The following ATP2B2 variants were observed in gnomAD, a reference collection of about 807,000 sequenced individuals.
ATP2B2 encodes the protein ATPase plasma membrane Ca2+ transporting 2, also known as plasma membrane calcium-transporting ATPase 2.
In ATP2B2, 15 loss-of-function variants were observed where a neutral mutation model predicts 120.0. The ratio of observed to expected loss-of-function variants is 0.12; its 90% confidence interval spans 0.08 to 0.19. The LOEUF (loss-of-function observed/expected upper bound fraction) is 0.19, where lower values mean the gene tolerates loss of function less well. Among genes scored for constraint, ATP2B2 ranks in the 10% least tolerant of loss-of-function variants. ATP2B2 has a pLI of 1.00. For synonymous variants in ATP2B2, 694 were observed against 700.3 expected, an observed-to-expected ratio of 0.99 and a Z score of 0.14; for missense variants, 1,045 against 1,719.8, an observed-to-expected ratio of 0.61 and a Z score of 6.94.
At chr3:10,360,912 C>T (rs879912409) in intron 12 of ATP2B2, among the ~76,000 whole-genome samples, 7 of 152,152 alleles carry the variant, frequency 4.6e-5, no homozygotes, top group Admixed American at 4.6e-4. Context: ...CTATGGTCAC[C>T]TCTCTCTTCC....
At chr3:10,666,981 C>T (rs1392093480) in intron 1 of ATP2B2, among the ~76,000 whole-genome samples, 1 of 152,200 alleles carries the variant, frequency 6.6e-6, no homozygotes, top group Non-Finnish European at 1.5e-5. Context: ...CTATTTCTTC[C>T]ACTCCTTTAG....
intron 2 of ATP2B2, among the ~76,000 whole-genome samples, chr3:10,591,871 T>A (rs545878310): frequency 6.6e-6 from 1 of 152,134 alleles, no homozygotes; most frequent in Non-Finnish European, 1.5e-5. Flanking sequence ...TTCCAGGGCA[T>A]CTTCATCAGC....
At chr3:10,507,014 G>T (rs1013326651), upstream of ATP2B2, among the ~76,000 whole-genome samples, 4 of 152,340 alleles carry the variant, frequency 2.6e-5, no homozygotes, top group Admixed American at 2.0e-4. Context: ...GCCATGCTGA[G>T]ACCTCCTTGC....
intron 6 of ATP2B2, chr3:10,388,058 G>T: frequency 1.7e-6 from 1 of 595,736 alleles, no homozygotes; most frequent in Non-Finnish European, 2.9e-6. Flanking sequence ...GGGCCTCCAT[G>T]ACATGATTGG....
chr3:10,676,207 T>C (rs188773556), intron 1 of ATP2B2, among the ~76,000 whole-genome samples: 1 of 152,154 alleles, frequency 6.6e-6, no homozygotes, highest in East Asian at 1.9e-4. Context: ...GAGAGCAGGA[T>C]AAAAGCAGGA....
At chr3:10,405,123 G>A (rs563095931) in intron 3 of ATP2B2, among the ~76,000 whole-genome samples, 1 of 152,348 alleles carries the variant, frequency 6.6e-6, no homozygotes, top group East Asian at 1.9e-4. Context: ...TTAGACAGCT[G>A]TGAAGTGGGA....
intron 1 of ATP2B2, among the ~76,000 whole-genome samples, chr3:10,678,599 C>T (rs950753810): frequency 5.3e-5 from 8 of 152,138 alleles, no homozygotes; most frequent in African/African-American, 1.9e-4. Flanking sequence ...AGCCTGGGGG[C>T]CTCTCAGAAA....
chr3:10,380,908 T>C (rs971265133), intron 8 of ATP2B2, among the ~76,000 whole-genome samples: 9 of 152,236 alleles, frequency 5.9e-5, no homozygotes, highest in Non-Finnish European at 1.2e-4. Context: ...TTTGCAAGTG[T>C]CATCTCTTGT....
intron 1 of ATP2B2, among the ~76,000 whole-genome samples, chr3:10,470,232 C>T (rs2064926141): frequency 6.6e-6 from 1 of 152,148 alleles, no homozygotes; most frequent in Non-Finnish European, 1.5e-5. Context: ...CCTTCAGGAC[C>T]CGGGGCTATG....
At chr3:10,449,971 CTA>C in intron 1 of ATP2B2, 109 bp from the exon 2 acceptor site, 1 of 322,578 alleles carries the variant, frequency 3.1e-6, no homozygotes, top group South Asian at 2.8e-5. Flanking sequence ...ACAACACTGA[CTA>C]CACCCATGCC....
intron 1 of ATP2B2, among the ~76,000 whole-genome samples, chr3:10,694,941 T>G (rs1459355269): frequency 6.6e-6 from 1 of 152,004 alleles, no homozygotes; most frequent in African/African-American, 2.4e-5. Flanking sequence ...CTGGCCTGTA[T>G]GCAAGCCATT....
chr3:10,424,642 C>G (rs189080819), intron 2 of ATP2B2, among the ~76,000 whole-genome samples: 2 of 152,322 alleles, frequency 1.3e-5, no homozygotes, highest in African/African-American at 4.8e-5. Context: ...AAATGCATTT[C>G]TGTCTTTGGA....
chr3:10,583,155 A>G (rs532289537), intron 2 of ATP2B2, among the ~76,000 whole-genome samples: 1 of 152,230 alleles, frequency 6.6e-6, no homozygotes, highest in Non-Finnish European at 1.5e-5. Context: ...GATATGATTT[A>G]GACTGTGCAG....
intron 10 of ATP2B2, among the ~76,000 whole-genome samples, chr3:10,377,321 G>T (rs552729659): frequency 1.7e-4 from 26 of 152,196 alleles, no homozygotes; most frequent in African/African-American, 5.5e-4. Context: ...CTGACAGTCG[G>T]AGGGGCTGGA....
intron 6 of ATP2B2, chr3:10,387,867 G>T (rs1256134106): frequency 9.9e-6 from 3 of 302,448 alleles, no homozygotes; most frequent in Non-Finnish European, 1.9e-5. Context: ...ATGCTGGGTG[G>T]ATTTTCATTT....
At position 10,610,098 on chromosome 3, in the gene ATP2B2, CACACAT is replaced by C. The variant is rs1383321249; in HGVS notation, c.-415+9813_-415+9818del. Among the ~76,000 whole-genome samples, 16 of 149,834 alleles carry C rather than the reference CACACAT, an allele frequency of 1.1e-4. No individual in the cohort carries two copies. The South Asian group carries it at 1.3e-3, about 12-fold the overall frequency. On this transcript the variant is annotated intron_variant, in intron 2 of 21. Transcript: ENST00000646379. ...ACATACACACACACACACACACACACACACATATATACACATATATGCATAAATATA... is the reference window on the plus strand; with the variant it reads ...ACATACACACACACACACACACACACATATACACATATATGCATAAATATA...
intron 1 of ATP2B2, among the ~76,000 whole-genome samples, chr3:10,698,161 G>T (rs893916788): frequency 1.3e-5 from 2 of 152,214 alleles, no homozygotes. Context: ...TTTAGGCATG[G>T]CCACGTGACC....
At chr3:10,493,529 G>T (rs56841321) in intron 1 of ATP2B2, among the ~76,000 whole-genome samples, 1 of 152,144 alleles carries the variant, frequency 6.6e-6, no homozygotes, top group Non-Finnish European at 1.5e-5. Flanking sequence ...ACTTGTTCCT[G>T]TACATCAAGG....
intron 2 of ATP2B2, among the ~76,000 whole-genome samples, chr3:10,541,517 T>C (rs2067439417): frequency 6.6e-6 from 1 of 152,360 alleles, no homozygotes; most frequent in East Asian, 1.9e-4. Context: ...GACTTTCTCT[T>C]TGGCCACAGA....
Sources: allele counts gnomAD v4.1 joint callset (sites outside exome capture counted in the v4.1 genomes callset), GRCh38; gene constraint gnomAD v4.1.1; transcripts MANE v1.5; gene names NCBI Gene and HGNC (gene_info 2026-07-23, HGNC 2026-07-21).